Variants in ATE1 observed in about 807,000 individuals in gnomAD.
The protein encoded by ATE1 is arginyltransferase 1, also known as arginyl-tRNA--protein transferase 1.
In ATE1, 36 loss-of-function variants were observed where a neutral mutation model predicts 70.5. The observed-to-expected ratio is 0.51, with a 90% CI of 0.39 to 0.67. The LOEUF is 0.67. Ranked by LOEUF, ATE1 falls within the 30% of genes least tolerant of loss-of-function variation. ATE1 has a pLI of 0.00. For synonymous variants in ATE1, 232 were observed against 219.3 expected, an observed-to-expected ratio of 1.06 and a Z score of -0.51; for missense variants, 593 against 629.5, an observed-to-expected ratio of 0.94 and a Z score of 0.62.
At position 121,838,888 on chromosome 10, in the gene ATE1, C is replaced by T. The variant is rs139512624; in HGVS notation, c.1158-2071G>A. Among the ~76,000 whole-genome samples, 446 of 152,158 alleles carry T rather than the reference C, an allele frequency of 2.9e-3. 7 individuals carry two copies. Among genetic ancestry groups the T allele is most frequent in the East Asian group, 0.024 (125 of 5,178 alleles). ...TAAAAAAATAAAAATCTACAGGCTA[C>T]ATTATATAAATCTAAAAACATAAAA... On this transcript the variant is annotated intron_variant, in intron 9 of 11. Coordinates refer to ENST00000224652, the MANE Select transcript of ATE1 (RefSeq NM_001001976.3).
chr10:121,771,025 C>T (rs1945494948), intron 11 of ATE1, among the ~76,000 whole-genome samples: 1 of 152,098 alleles, frequency 6.6e-6, no homozygotes, highest in Non-Finnish European at 1.5e-5. Context: ...AAAAATGCCA[C>T]AAAAAGCTGA....
chr10:121,895,579 A>G (rs960913460), intron 7 of ATE1, among the ~76,000 whole-genome samples: 1 of 151,820 alleles, frequency 6.6e-6, no homozygotes, highest in South Asian at 2.1e-4. Context: ...ACGCCATCGC[A>G]CTCCAGCCTG....
intron 3 of ATE1, among the ~76,000 whole-genome samples, chr10:121,916,788 T>C (rs1267054108): frequency 2.0e-5 from 3 of 150,640 alleles, no homozygotes; most frequent in South Asian, 2.1e-4. Context: ...TGAGCCAAGA[T>C]CGCGCCACTG....
intron 11 of ATE1, among the ~76,000 whole-genome samples, chr10:121,788,773 T>C (rs1266703674): frequency 6.6e-6 from 1 of 152,230 alleles, no homozygotes; most frequent in Non-Finnish European, 1.5e-5. Context: ...GGTGGGGTTC[T>C]GTGAGACCTC....
At chr10:121,835,245 C>G (rs1396006362) in intron 10 of ATE1, among the ~76,000 whole-genome samples, 2 of 152,020 alleles carry the variant, frequency 1.3e-5, no homozygotes, top group Non-Finnish European at 2.9e-5. Flanking sequence ...AAGAAAATCT[C>G]CAAATGCCAG....
At chr10:121,918,140 C>A (rs1362523361) in intron 3 of ATE1, among the ~76,000 whole-genome samples, 1 of 152,140 alleles carries the variant, frequency 6.6e-6, no homozygotes, top group Admixed American at 6.5e-5. Context: ...CCAGACCAAC[C>A]TGGCCAATAT....
chr10:121,853,946 C>A (rs1036100988), intron 8 of ATE1, among the ~76,000 whole-genome samples: 1 of 152,244 alleles, frequency 6.6e-6, no homozygotes, highest in East Asian at 1.9e-4. Flanking sequence ...GGCACGTAAT[C>A]CCATTATTCA....
At chr10:121,849,729 A>G (rs186670749) in intron 8 of ATE1, among the ~76,000 whole-genome samples, 1 of 152,110 alleles carries the variant, frequency 6.6e-6, no homozygotes, top group Non-Finnish European at 1.5e-5. Flanking sequence ...CAATCAGTAC[A>G]ATTTTTTTCA....
chr10:121,924,327 T>G lies in ATE1; in HGVS notation c.109A>C (p.Met37Leu), dbSNP rs762476461. ...TGTACTGTCATGGAATGTGCCCACA[T>G]GCCTGAAAAAATAAGTAGTGTGTTA... ...KNESGSRSNG[M>L]WAHSMTVQDY... Residue 37 changes from methionine (M) to leucine (L), a missense_variant and splice_region_variant, in exon 2 of 12, where the codon ATG becomes CTG. Met to Leu is a conservative substitution (Grantham distance 15). Coordinates refer to ENST00000224652, the MANE Select transcript of ATE1 (RefSeq NM_001001976.3). The G allele has an allele frequency of 6.2e-7, 1 of 1,613,876 alleles. No homozygotes were observed. The highest frequency in any genetic ancestry group is 8.5e-7 in the Non-Finnish European group (1 of 1,179,780).
chr10:121,868,297 C>T (rs1949731667), intron 8 of ATE1, among the ~76,000 whole-genome samples: 1 of 152,144 alleles, frequency 6.6e-6, no homozygotes, highest in South Asian at 2.1e-4. Flanking sequence ...ATATTAATTG[C>T]TTCTAGAAGA....
At chr10:121,897,222 G>T (rs1024774443) in intron 7 of ATE1, among the ~76,000 whole-genome samples, 4 of 152,170 alleles carry the variant, frequency 2.6e-5, no homozygotes, top group Non-Finnish European at 5.9e-5. Context: ...CTTCCCAGAG[G>T]CCTGAAGCCT....
At chr10:121,852,133 G>A (rs1283228307) in intron 8 of ATE1, among the ~76,000 whole-genome samples, 1 of 152,180 alleles carries the variant, frequency 6.6e-6, no homozygotes, top group African/African-American at 2.4e-5. Context: ...GTATTTGAGG[G>A]GATTTACTAC....
intron 8 of ATE1, among the ~76,000 whole-genome samples, chr10:121,850,054 T>A (rs1319232575): frequency 6.6e-6 from 1 of 152,172 alleles, no homozygotes. Context: ...GATTTATCTA[T>A]AAGAGTGGTC....
Position 121,745,447 on chromosome 10 carries a change from T to C in ATE1, c.1379-1589A>G, listed in dbSNP as rs187955213. On this transcript the variant is annotated intron_variant, in intron 11 of 11. Transcript: ENST00000224652. Reference sequence around the variant, plus strand: ...GTTAAGAACCACAGGCGGGGTGCAGTGGCTCACGCCTGTAATCCCAGCACT... The same window carrying C: ...GTTAAGAACCACAGGCGGGGTGCAGCGGCTCACGCCTGTAATCCCAGCACT... Among the ~76,000 whole-genome samples the C allele has an allele frequency of 3.6e-3, 545 of 152,310 alleles. 3 individuals carry two copies. Among genetic ancestry groups the C allele is most frequent in the Admixed American group, 4.3e-3 (66 of 15,306 alleles).
At chr10:121,927,707 T>G in intron 1 of ATE1, 137 bp downstream of exon 1, 1 of 1,337,670 alleles carries the variant, frequency 7.5e-7, no homozygotes, top group Non-Finnish European at 9.6e-7. Context: ...GCCGCGGCCC[T>G]CCCGAGAGTG....
intron 10 of ATE1, among the ~76,000 whole-genome samples, chr10:121,810,950 C>T (rs1947295970): frequency 6.6e-6 from 1 of 152,182 alleles, no homozygotes; most frequent in Non-Finnish European, 1.5e-5. Context: ...ATCCACAAAC[C>T]TCAGCCTCCC....
chr10:121,770,562 C>T (rs571737306), intron 11 of ATE1, among the ~76,000 whole-genome samples: 32 of 152,048 alleles, frequency 2.1e-4, no homozygotes, highest in Admixed American at 9.2e-4. Context: ...AGCCTAAAGA[C>T]GAATTACTTC....
At chr10:121,926,883 G>A (rs972624149) in intron 1 of ATE1, 1 of 985,208 alleles carries the variant, frequency 1.0e-6, no homozygotes, top group Non-Finnish European at 1.2e-6. Context: ...CACTTCTAAC[G>A]ATTGCATAAC....
chr10:121,818,559 T>C (rs1279328492), intron 10 of ATE1, among the ~76,000 whole-genome samples: 4 of 152,136 alleles, frequency 2.6e-5, no homozygotes, highest in Non-Finnish European at 5.9e-5. Flanking sequence ...TTTACCAAAC[T>C]CAGAGCAAGT....
Sources: allele counts gnomAD v4.1 joint callset (sites outside exome capture counted in the v4.1 genomes callset), GRCh38; gene constraint gnomAD v4.1.1; transcripts MANE v1.5; gene names NCBI Gene and HGNC (gene_info 2026-07-23, HGNC 2026-07-21).